COLEC12: variants seen among roughly 807,000 people sequenced by gnomAD.
The protein encoded by COLEC12 is collectin subfamily member 12, also known as collectin-12.
In COLEC12, 33 loss-of-function variants were observed where a neutral mutation model predicts 71.1. The observed-to-expected ratio is 0.46, with a 90% CI of 0.35 to 0.62. COLEC12 has a LOEUF of 0.62. COLEC12 is among the 20% of genes least tolerant of loss of function. The pLI is 0.00. For missense variants in COLEC12, 765 were observed against 916.1 expected, an observed-to-expected ratio of 0.84 and a Z score of 2.13; for synonymous variants, 350 against 353.0, an observed-to-expected ratio of 0.99 and a Z score of 0.10.
chr18:409,870 A>C (rs2143633455), intron 2 of COLEC12, among the ~76,000 whole-genome samples: 1 of 152,318 alleles, frequency 6.6e-6, no homozygotes, highest in East Asian at 1.9e-4. Context: ...AGATAAGCAC[A>C]AGAAGGAGGA....
intron 2 of COLEC12, among the ~76,000 whole-genome samples, chr18:424,735 C>T (rs1482130048): frequency 1.3e-5 from 2 of 152,210 alleles, no homozygotes; most frequent in East Asian, 1.9e-4. Flanking sequence ...CAATAAGTCA[C>T]TCGTCAATGT....
chr18:328,994 G>T (rs960242894), intron 8 of COLEC12, among the ~76,000 whole-genome samples: 2 of 152,104 alleles, frequency 1.3e-5, no homozygotes, highest in African/African-American at 4.8e-5. Flanking sequence ...TATTCCTTTG[G>T]GTGGAAAACG....
chr18:381,807 A>G (rs556708555), intron 2 of COLEC12, among the ~76,000 whole-genome samples: 1 of 152,328 alleles, frequency 6.6e-6, no homozygotes, highest in Admixed American at 6.5e-5. Context: ...TAAAACAATA[A>G]ATTCATATGC....
At chr18:350,323 G>A (rs1360361851) in intron 3 of COLEC12, among the ~76,000 whole-genome samples, 1 of 151,820 alleles carries the variant, frequency 6.6e-6, no homozygotes, top group Non-Finnish European at 1.5e-5. Flanking sequence ...AGTGCCTTTT[G>A]CCTCCCACCA....
At chr18:400,283 A>G (rs1915656531) in intron 2 of COLEC12, among the ~76,000 whole-genome samples, 1 of 152,184 alleles carries the variant, frequency 6.6e-6, no homozygotes, top group African/African-American at 2.4e-5. Context: ...AGTTTATAGG[A>G]TAAGTAGATC....
At position 318,800 on chromosome 18, in the gene COLEC12, T is replaced by C. The variant is rs904085362; in HGVS notation, c.*1245A>G. The C allele has an allele frequency of 7.9e-5, 12 of 152,224 alleles. No homozygotes were observed. Among genetic ancestry groups the C allele is most frequent in the African/African-American group, 2.4e-4 (10 of 41,444 alleles). The allele number at this position is 152,224 out of a possible 1,614,324, so 9.4% of individuals were successfully genotyped here. ...GAGCCACTGCGCCCGGCTGGAAAGG[T>C]TCTTTTAAGAGTTCCACAAAGTGGC... On this transcript the variant is annotated 3_prime_UTR_variant, in exon 10 of 10. Coordinates refer to ENST00000400256, the MANE Select transcript of COLEC12 (RefSeq NM_130386.3).
At chr18:410,755 A>G (rs1023704939) in intron 2 of COLEC12, among the ~76,000 whole-genome samples, 7 of 152,180 alleles carry the variant, frequency 4.6e-5, no homozygotes, top group Non-Finnish European at 8.8e-5. Context: ...ATAGTGAAGA[A>G]GACAACAACC....
At chr18:425,693 C>T (rs1451446022) in intron 2 of COLEC12, among the ~76,000 whole-genome samples, 1 of 152,180 alleles carries the variant, frequency 6.6e-6, no homozygotes, top group Non-Finnish European at 1.5e-5. Flanking sequence ...CTCTCTGGAG[C>T]CATGAGGGCA....
chr18:500,274 G>A lies in COLEC12; in HGVS notation c.7+234C>T, dbSNP rs891175217. Among the ~76,000 whole-genome samples, 4 of 152,184 alleles carry A rather than the reference G, an allele frequency of 2.6e-5. No homozygotes were observed. Among genetic ancestry groups the A allele is most frequent in the African/African-American group, 9.6e-5 (4 of 41,470 alleles). ...CAAACTACTTGCAAAGACGCGATGG[G>A]GAGGGGAATACTTGCGCGCTTCAAA... On this transcript the variant is annotated intron_variant, in intron 1 of 9. Transcript: ENST00000400256. This position sits in a 1 kb window ranked among gnomAD's most constrained non-coding sequence, Gnocchi z 5.3.
At chr18:433,157 A>T (rs1916338287) in intron 2 of COLEC12, among the ~76,000 whole-genome samples, 2 of 152,224 alleles carry the variant, frequency 1.3e-5, no homozygotes, top group South Asian at 4.1e-4. Context: ...CCTTCAAACA[A>T]GTTAACATGC....
At chr18:335,629 G>A (rs1408888764) in intron 5 of COLEC12, among the ~76,000 whole-genome samples, 5 of 152,182 alleles carry the variant, frequency 3.3e-5, no homozygotes, top group East Asian at 1.9e-4. Flanking sequence ...GCAAACCAAG[G>A]AGGGAGGCCT....
intron 1 of COLEC12, among the ~76,000 whole-genome samples, chr18:485,818 C>G (rs1917508774): frequency 6.6e-6 from 1 of 152,274 alleles, no homozygotes; most frequent in Non-Finnish European, 1.5e-5. Context: ...GAATTTACCT[C>G]TCATTCTTGT....
At chr18:441,614 T>C (rs1567909008) in intron 2 of COLEC12, among the ~76,000 whole-genome samples, 2 of 152,184 alleles carry the variant, frequency 1.3e-5, no homozygotes. Context: ...ATTTTCCTTT[T>C]ACTAGTGAAT....
chr18:350,318 C>CT (rs1914484867), intron 3 of COLEC12, among the ~76,000 whole-genome samples: 1 of 152,104 alleles, frequency 6.6e-6, no homozygotes, highest in East Asian at 1.9e-4. Flanking sequence ...TAAGAAGTGC[C>CT]TTTTGCCTCC....
chr18:346,292 T>C lies in COLEC12; in HGVS notation c.1327+3A>G. The stretch of plus-strand genomic sequence containing the variant: ...CAAATACAAATTCAGAATTTTGACT[T>C]ACCTTGTAGTATTGTAAAATTCTTG... On this transcript the variant is annotated splice_donor_region_variant and intron_variant, in intron 5 of 9. Coordinates refer to ENST00000400256, the MANE Select transcript of COLEC12 (RefSeq NM_130386.3). The surrounding 1 kb of genome is among the most constrained non-coding windows in gnomAD (Gnocchi z 4.0). 1 of 1,582,620 alleles carries C rather than the reference T, an allele frequency of 6.3e-7. No individual in the cohort carries two copies. The highest frequency in any genetic ancestry group is 8.6e-7 in the Non-Finnish European group (1 of 1,163,568).
At chr18:416,705 G>A (rs2143645811) in intron 2 of COLEC12, among the ~76,000 whole-genome samples, 1 of 152,152 alleles carries the variant, frequency 6.6e-6, no homozygotes, top group African/African-American at 2.4e-5. Context: ...TCCCTTTGGG[G>A]GTCATGGGGA....
At chr18:381,678 G>A (rs1185796077) in intron 2 of COLEC12, among the ~76,000 whole-genome samples, 1 of 152,116 alleles carries the variant, frequency 6.6e-6, no homozygotes, top group African/African-American at 2.4e-5. Flanking sequence ...ATATGAATGA[G>A]AATATTCACT....
intron 2 of COLEC12, among the ~76,000 whole-genome samples, chr18:472,976 T>G (rs553596918): frequency 2.0e-5 from 3 of 152,198 alleles, no homozygotes; most frequent in African/African-American, 7.2e-5. Context: ...AGTGCAGACC[T>G]ACTGTATACC....
intron 2 of COLEC12, among the ~76,000 whole-genome samples, chr18:416,650 C>A (rs970174869): frequency 1.3e-5 from 2 of 152,130 alleles, no homozygotes; most frequent in African/African-American, 2.4e-5. Context: ...CCATGCTGGG[C>A]GGTGCCATGG....
Sources: gnomAD v4.1 joint callset for allele counts (sites outside exome capture counted in the v4.1 genomes callset) on GRCh38, gnomAD v4.1.1 for gene constraint, Gnocchi (gnomAD v3.1) non-coding constraint, MANE v1.5 for transcripts, NCBI Gene and HGNC (gene_info 2026-07-23, HGNC 2026-07-21) for gene names.